The following FHOD3 variants were observed in gnomAD, a reference collection of about 807,000 sequenced individuals.
FHOD3 encodes the protein formin homology 2 domain containing 3.
In FHOD3, 90 loss-of-function variants were observed where a neutral mutation model predicts 173.0. The ratio of observed to expected loss-of-function variants is 0.52; its 90% CI spans 0.44 to 0.62. The LOEUF (loss-of-function observed/expected upper bound fraction) is 0.62, where lower values mean the gene tolerates loss of function less well. Ranked by LOEUF, FHOD3 falls within the 20% of genes least tolerant of loss-of-function variation. FHOD3 has a pLI of 0.00. For synonymous variants in FHOD3, 828 were observed against 823.0 expected (o/e 1.01, Z -0.10); for missense variants, 1,945 against 2,034.7 (o/e 0.96, Z 0.85).
At chr18:36,618,965 CTCTG>C (rs561925654) in intron 9 of FHOD3, among the ~76,000 whole-genome samples, 261 of 152,312 alleles carry the variant, frequency 1.7e-3, no homozygotes, top group African/African-American at 6.0e-3. Context: ...CAGACCTCCT[CTCTG>C]TCTGTGTTGT....
At chr18:36,300,900 C>A (rs142898259) in intron 1 of FHOD3, among the ~76,000 whole-genome samples, 1 of 152,010 alleles carries the variant, frequency 6.6e-6, no homozygotes, top group African/African-American at 2.4e-5. Flanking sequence ...ACCACCACAC[C>A]TTGCTAATTT....
At chr18:36,771,840 C>A (rs2043396830) in intron 28 of FHOD3, among the ~76,000 whole-genome samples, 1 of 152,212 alleles carries the variant, frequency 6.6e-6, no homozygotes, top group Non-Finnish European at 1.5e-5. Flanking sequence ...GGCACCCTGA[C>A]AGAGGGTTGG....
rs921785695 is a variant in FHOD3, at chr18:36,484,991, A to G, written c.338-16941A>G. ...GTGGCCCACACAGAGGGTGTGGTCG[A>G]GCCAACTTCATTCCCGGTGATCACG... On this transcript the variant is annotated intron_variant, in intron 3 of 28. Coordinates refer to ENST00000590592, the MANE Select transcript of FHOD3 (RefSeq NM_001281740.3). Among the ~76,000 whole-genome samples, 10 of 152,070 alleles carry G rather than the reference A, an allele frequency of 6.6e-5. 1 individual carries two copies. Among genetic ancestry groups the G allele is most frequent in the African/African-American group, 2.4e-4 (10 of 41,410 alleles).
intron 11 of FHOD3, among the ~76,000 whole-genome samples, chr18:36,650,414 C>T (rs944138479): frequency 6.6e-6 from 1 of 152,140 alleles, no homozygotes; most frequent in Non-Finnish European, 1.5e-5. Flanking sequence ...TCTGAACTGA[C>T]AAACTAATGA....
chr18:36,309,111 T>G (rs1319824367), intron 1 of FHOD3, among the ~76,000 whole-genome samples: 2 of 151,640 alleles, frequency 1.3e-5, no homozygotes, highest in African/African-American at 4.8e-5. Flanking sequence ...CTCTCGTGGG[T>G]GGGGTGGGTA....
intron 8 of FHOD3, among the ~76,000 whole-genome samples, chr18:36,606,580 G>T (rs2032099817): frequency 6.6e-6 from 1 of 152,136 alleles, no homozygotes; most frequent in South Asian, 2.1e-4. Flanking sequence ...TCCTCCTCAT[G>T]TGCAAGATAT....
chr18:36,368,340 A>G (rs1202751842), intron 2 of FHOD3, among the ~76,000 whole-genome samples: 2 of 152,148 alleles, frequency 1.3e-5, no homozygotes, highest in Non-Finnish European at 2.9e-5. Flanking sequence ...CTAAAGATGC[A>G]AATCTTGAGA....
At chr18:36,646,532 C>T (rs1221182187) in intron 10 of FHOD3, among the ~76,000 whole-genome samples, 1 of 152,170 alleles carries the variant, frequency 6.6e-6, no homozygotes, top group East Asian at 1.9e-4. Context: ...GTCCAGAAAT[C>T]TACAAATATA....
intron 2 of FHOD3, among the ~76,000 whole-genome samples, chr18:36,366,918 T>C (rs998477369): frequency 6.6e-6 from 1 of 152,202 alleles, no homozygotes; most frequent in African/African-American, 2.4e-5. Context: ...CTAATTTAAG[T>C]GGAGGAGTAC....
intron 5 of FHOD3, among the ~76,000 whole-genome samples, chr18:36,554,726 T>C (rs1405405283): frequency 1.3e-5 from 2 of 152,234 alleles, no homozygotes; most frequent in Admixed American, 6.5e-5. Flanking sequence ...CCCTTTCTGG[T>C]AAAAATTTAA....
At chr18:36,481,239 G>T (rs1344413069) in intron 3 of FHOD3, among the ~76,000 whole-genome samples, 1 of 151,930 alleles carries the variant, frequency 6.6e-6, no homozygotes, top group Non-Finnish European at 1.5e-5. Flanking sequence ...TTAGTAAATT[G>T]CCTCAGGAAT....
chr18:36,387,808 G>A (rs570511192), intron 3 of FHOD3, among the ~76,000 whole-genome samples: 3 of 152,066 alleles, frequency 2.0e-5, no homozygotes, highest in South Asian at 4.2e-4. Context: ...TAGTGCTACC[G>A]TGTGCTGTCA....
chr18:36,561,352 G>A (rs1187865954), intron 5 of FHOD3, among the ~76,000 whole-genome samples: 1 of 152,082 alleles, frequency 6.6e-6, no homozygotes, highest in African/African-American at 2.4e-5. Context: ...GAGGTCTGGG[G>A]ACACTCAGCC....
At chr18:36,649,488 AC>A (rs1311542298) in intron 11 of FHOD3, 83 bp downstream of exon 11, 1 of 1,054,332 alleles carries the variant, frequency 9.5e-7, no homozygotes, top group Non-Finnish European at 1.4e-6. Context: ...TCTAGTGGCC[AC>A]CTCCCTTCCT....
intron 3 of FHOD3, among the ~76,000 whole-genome samples, chr18:36,457,084 G>A (rs569960716): frequency 4.7e-4 from 72 of 152,118 alleles, no homozygotes; most frequent in Non-Finnish European, 9.6e-4. Flanking sequence ...AGAAGTGAGA[G>A]GAAAAGCCCA....
intron 15 of FHOD3, among the ~76,000 whole-genome samples, chr18:36,684,333 ATAATTAGG>A (rs2149426510): frequency 6.6e-6 from 1 of 152,340 alleles, no homozygotes; most frequent in East Asian, 1.9e-4. Context: ...TATCATAAAA[ATAATTAGG>A]AAAATTTTAA....
chr18:36,527,857 CTG>C (rs1555741994), intron 5 of FHOD3, among the ~76,000 whole-genome samples: 1 of 152,174 alleles, frequency 6.6e-6, no homozygotes, highest in Non-Finnish European at 1.5e-5. Context: ...CACTTGATCT[CTG>C]TGTATGTTGA....
chr18:36,516,238 G>T (rs1319357957), intron 5 of FHOD3, among the ~76,000 whole-genome samples: 1 of 152,106 alleles, frequency 6.6e-6, no homozygotes, highest in Non-Finnish European at 1.5e-5. Flanking sequence ...GTGGGGACTG[G>T]TGAGGGCAGA....
chr18:36,728,724 C>G (rs529102372), intron 19 of FHOD3, among the ~76,000 whole-genome samples: 1 of 152,274 alleles, frequency 6.6e-6, no homozygotes, highest in Admixed American at 6.5e-5. Context: ...TGTTTCTCCT[C>G]GATGCCTCAC....
Sources: gnomAD v4.1 joint callset for allele counts (sites outside exome capture counted in the v4.1 genomes callset) on GRCh38, gnomAD v4.1.1 for gene constraint, MANE v1.5 for transcripts, NCBI Gene and HGNC (gene_info 2026-07-23, HGNC 2026-07-21) for gene names.